MACROD1: variants seen among roughly 807,000 people sequenced by gnomAD.
MACROD1 encodes ADP-ribose glycohydrolase MACROD1.
Under a neutral mutation model 41.4 loss-of-function variants are expected in MACROD1, and 31 were observed. That is an observed-to-expected ratio of 0.75 (90% CI 0.56 to 1.01). MACROD1 has a LOEUF of 1.01. Among genes scored for constraint, MACROD1 ranks in the 50% least tolerant of loss-of-function variants. The pLI is 0.00. For synonymous variants in MACROD1, 252 were observed against 203.4 expected (o/e 1.24, Z -2.03); for missense variants, 473 against 460.0 (o/e 1.03, Z -0.26).
chr11:64,008,537 C>T (rs1330467339), intron 4 of MACROD1, among the ~76,000 whole-genome samples: 3 of 151,702 alleles, frequency 2.0e-5, no homozygotes, highest in East Asian at 1.9e-4. Context: ...GGGAGGGTTG[C>T]GACAGGAGGG....
At chr11:64,061,762 C>T (rs1183284634) in intron 3 of MACROD1, among the ~76,000 whole-genome samples, 4 of 151,034 alleles carry the variant, frequency 2.6e-5, no homozygotes, top group African/African-American at 7.3e-5. Flanking sequence ...TGCAATGGCA[C>T]GATCACAGCT....
intron 1 of MACROD1, among the ~76,000 whole-genome samples, chr11:64,163,764 G>A (rs1470722245): frequency 1.3e-5 from 2 of 152,234 alleles, no homozygotes; most frequent in African/African-American, 4.8e-5. Flanking sequence ...TGGAGAGAAT[G>A]CAGGTTTGCT....
chr11:64,098,937 A>C (rs1410048587), intron 3 of MACROD1, among the ~76,000 whole-genome samples: 2 of 152,272 alleles, frequency 1.3e-5, no homozygotes, highest in African/African-American at 4.8e-5. Flanking sequence ...GAAATGAAAC[A>C]GGAGGGCTAA....
chr11:64,045,784 A>C (rs1255254771), intron 3 of MACROD1, among the ~76,000 whole-genome samples: 1 of 152,190 alleles, frequency 6.6e-6, no homozygotes, highest in Admixed American at 6.5e-5. Context: ...GGAATTCAGA[A>C]CTAACAATAA....
intron 3 of MACROD1, among the ~76,000 whole-genome samples, chr11:64,114,589 T>C (rs1944940137): frequency 7.1e-6 from 1 of 140,718 alleles, no homozygotes; most frequent in Non-Finnish European, 1.5e-5. Context: ...AGATGCATGA[T>C]GGAAGGATGG....
intron 3 of MACROD1, among the ~76,000 whole-genome samples, chr11:64,024,952 A>C (rs1478063118): frequency 3.3e-5 from 5 of 152,176 alleles, no homozygotes; most frequent in Non-Finnish European, 7.4e-5. Flanking sequence ...AAAGGAGAAA[A>C]CCAGAAGCTA....
intron 3 of MACROD1, among the ~76,000 whole-genome samples, chr11:64,135,773 G>A (rs192385589): frequency 1.3e-5 from 2 of 152,204 alleles, no homozygotes; most frequent in East Asian, 1.9e-4. Flanking sequence ...GAGGGCCCAC[G>A]GCAGCCAGAG....
intron 4 of MACROD1, 38 bp downstream of exon 4, chr11:64,015,214 C>G (rs752792738): frequency 1.9e-6 from 3 of 1,564,286 alleles, no homozygotes; most frequent in Non-Finnish European, 2.6e-6. Context: ...AGGGGAGATG[C>G]CACACCCCAC....
chr11:64,044,349 T>C (rs1005967973), intron 3 of MACROD1, among the ~76,000 whole-genome samples: 5 of 151,458 alleles, frequency 3.3e-5, no homozygotes, highest in Non-Finnish European at 7.4e-5. Flanking sequence ...ACTTTTGGGC[T>C]CAAGTGATCC....
chr11:64,008,358 C>T (rs1942948967), intron 4 of MACROD1, among the ~76,000 whole-genome samples: 1 of 151,564 alleles, frequency 6.6e-6, no homozygotes, highest in African/African-American at 2.4e-5. Flanking sequence ...CCCTGGGTGG[C>T]GGCTTCTGAG....
intron 3 of MACROD1, among the ~76,000 whole-genome samples, chr11:64,114,463 A>G (rs12575402): frequency 1.7e-4 from 18 of 107,736 alleles, no homozygotes; most frequent in East Asian, 3.3e-4. Context: ...ATGGATGGAT[A>G]GATGGATGGA....
intron 3 of MACROD1, among the ~76,000 whole-genome samples, chr11:64,046,427 C>T (rs1228578589): frequency 6.6e-6 from 1 of 152,192 alleles, no homozygotes; most frequent in African/African-American, 2.4e-5. Context: ...TGCGAGGCTG[C>T]CCAAGGGGAC....
intron 3 of MACROD1, among the ~76,000 whole-genome samples, chr11:64,035,023 C>G (rs914618974): frequency 1.3e-5 from 2 of 152,218 alleles, no homozygotes; most frequent in African/African-American, 4.8e-5. Context: ...TCTTCCCAGT[C>G]TCTAATAGGT....
intron 3 of MACROD1, among the ~76,000 whole-genome samples, chr11:64,099,046 G>A (rs1944626528): frequency 6.6e-6 from 1 of 152,258 alleles, no homozygotes; most frequent in African/African-American, 2.4e-5. Flanking sequence ...TCGGGAGGAA[G>A]CCCTGAGTGC....
chr11:64,035,728 C>CT lies in MACROD1; in HGVS notation c.518-20448_518-20447insA, dbSNP rs1365912272. ...CGGCGCCCCCGTCCTCCTCCCCCTC[C>CT]CCTCCTCCTCCTCTCCCTCCCCGCT... On this transcript the variant is annotated intron_variant, in intron 3 of 10. Transcript: ENST00000255681. 0.022 allele frequency among the ~76,000 whole-genome samples: 27 copies of CT among 1,222 alleles called. 1 individual carries two copies. In the East Asian group the frequency reaches 0.29, roughly 13 times the overall value. 0.8% of individuals were successfully genotyped at this position (1,222 alleles called of 152,430 possible). A position where few individuals can be genotyped will look rare whatever the true frequency, so the allele number is the denominator to read the frequency against.
Position 64,146,857 on chromosome 11 carries a change from C to T in MACROD1, c.517+4382G>A, listed in dbSNP as rs901593951. The stretch of plus-strand genomic sequence containing the variant: ...CACACACACACTCTATCACACACAC[C>T]CCACGCATCACACAAGCACAGACAC... On this transcript the variant is annotated intron_variant, in intron 3 of 10. Coordinates refer to ENST00000255681, the MANE Select transcript of MACROD1 (RefSeq NM_014067.4). This position sits in a 1 kb window ranked among gnomAD's most constrained non-coding sequence, Gnocchi z 4.7. Among the ~76,000 whole-genome samples the T allele has an allele frequency of 6.6e-6, 1 of 151,748 alleles. No homozygotes were observed. Among genetic ancestry groups the T allele is most frequent in the Non-Finnish European group, 1.5e-5 (1 of 67,926 alleles).
intron 3 of MACROD1, among the ~76,000 whole-genome samples, chr11:64,065,586 A>G (rs149484604): frequency 0.028 from 4,219 of 151,792 alleles, 111 homozygotes; most frequent in African/African-American, 0.069. Flanking sequence ...TCAGGAGATC[A>G]AGACCATCCT....
chr11:64,121,565 AC>A (rs1158984544), intron 3 of MACROD1, among the ~76,000 whole-genome samples: 1 of 152,068 alleles, frequency 6.6e-6, no homozygotes, highest in Non-Finnish European at 1.5e-5. Context: ...CCGTTCTGAA[AC>A]CCCATCCCCT....
intron 3 of MACROD1, among the ~76,000 whole-genome samples, chr11:64,058,381 T>C (rs964015486): frequency 9.2e-5 from 14 of 152,146 alleles, no homozygotes; most frequent in African/African-American, 3.4e-4. Context: ...GTCTGGACAG[T>C]CACCTGCAGG....
Sources: gnomAD v4.1 joint callset for allele counts (sites outside exome capture counted in the v4.1 genomes callset) on GRCh38, gnomAD v4.1.1 for gene constraint, Gnocchi (gnomAD v3.1) non-coding constraint, MANE v1.5 for transcripts, NCBI Gene and HGNC (gene_info 2026-07-23, HGNC 2026-07-21) for gene names.